Variants in DRC1 observed in about 807,000 individuals in gnomAD.
The protein encoded by DRC1 is dynein regulatory complex subunit 1.
A neutral mutation model predicts 98.7 loss-of-function variants in DRC1; 74 were observed. The ratio of observed to expected loss-of-function variants is 0.75; its 90% CI spans 0.62 to 0.91. The LOEUF is 0.91. Among genes scored for constraint, DRC1 ranks in the 40% least tolerant of loss-of-function variants. DRC1 has a pLI of 0.00. For synonymous variants in DRC1, 336 were observed against 334.1 expected, an observed-to-expected ratio of 1.01 and a Z score of -0.06; for missense variants, 875 against 886.0, an observed-to-expected ratio of 0.99 and a Z score of 0.16.
chr2:26,431,817 C>A, intron 6 of DRC1, 67 bp from the exon 7 acceptor site: 6 of 1,594,182 alleles, frequency 3.8e-6, no homozygotes, highest in Non-Finnish European at 5.1e-6. Flanking sequence ...GCTGGGCAGG[C>A]CATCCGAAGG....
intron 2 of DRC1, among the ~76,000 whole-genome samples, chr2:26,416,113 G>A (rs1174364132): frequency 1.3e-5 from 2 of 152,054 alleles, no homozygotes; most frequent in Non-Finnish European, 2.9e-5. Context: ...TTTCACTTAG[G>A]AATTAAGTAG....
chr2:26,421,557 CT>C lies in DRC1; in HGVS notation c.356+177del, dbSNP rs397873833. Among the ~76,000 whole-genome samples, 1,477 of 120,078 alleles carry C rather than the reference CT, an allele frequency of 0.012. 9 individuals are homozygous for C. The highest frequency in any genetic ancestry group is 0.058 in the Middle Eastern group (12 of 208). The allele number at this position is 120,078 out of a possible 152,430, so 78.8% of individuals were successfully genotyped here. A position where few individuals can be genotyped will look rare whatever the true frequency, so the allele number is the denominator to read the frequency against. On this transcript the variant is annotated intron_variant, in intron 3 of 16. Transcript: ENST00000288710. Reference sequence around the variant, plus strand: ...TCCCTCCCTCCTCTTCTTTCTCTCTCTTTTTTTTTTTTTTTTTTTTGAGACA... The same window carrying C: ...TCCCTCCCTCCTCTTCTTTCTCTCTCTTTTTTTTTTTTTTTTTTTGAGACA...
rs886925671 is a variant in DRC1, at chr2:26,454,999, C to A, written c.2064-132C>A. 7.4e-7 allele frequency: 1 copy of A among 1,346,456 alleles called. No individual in the cohort carries two copies. The highest frequency in any genetic ancestry group is 1.1e-6 in the Non-Finnish European group (1 of 950,044). 83.4% of individuals were successfully genotyped at this position (1,346,456 alleles called of 1,614,324 possible). A position where few individuals can be genotyped will look rare whatever the true frequency, so the allele number is the denominator to read the frequency against. ...GTTCCTGCTAACCTGGCTCACCTGG[C>A]GGCTGGGTGAAGAGTGTAGCTTCTG... On this transcript the variant is annotated intron_variant, in intron 15 of 16. Transcript: ENST00000288710. The surrounding 1 kb of genome is among the most constrained non-coding windows in gnomAD (Gnocchi z 5.2).
chr2:26,440,532 A>G lies in DRC1; in HGVS notation c.1028+15A>G, dbSNP rs765396987. 6.2e-7 allele frequency: 1 copy of G among 1,606,684 alleles called. No individual in the cohort carries two copies. Among genetic ancestry groups the G allele is most frequent in the East Asian group, 2.2e-5 (1 of 44,766 alleles). ...AAGATCAATCGGTAAGCTAGCATGC[A>G]GAGCGTCTTTCTTCTGGGCCTTCTG... On this transcript the variant is annotated intron_variant, in intron 8 of 16. Coordinates refer to ENST00000288710, the MANE Select transcript of DRC1 (RefSeq NM_145038.5).
rs201801977 is a variant in DRC1 at position 26,430,887 on chromosome 2, C to T, written c.765+15C>T. On this transcript the variant is annotated intron_variant, in intron 6 of 16. Coordinates refer to ENST00000288710, the MANE Select transcript of DRC1 (RefSeq NM_145038.5). ...ATGCCAAAGAGGTAAAGGGTGGAGC[C>T]TGTCAAGAGTGATCCGTGGGGTCTG... The T allele has an allele frequency of 1.8e-4, 296 of 1,611,640 alleles. No individual in the cohort carries two copies. The highest frequency in any genetic ancestry group is 2.5e-4 in the Non-Finnish European group (290 of 1,178,778).
Position 26,455,213 on chromosome 2 carries a change from C to A in DRC1, c.2146C>A (p.Gln716Lys), listed in dbSNP as rs769733696. 1.9e-6 allele frequency: 3 copies of A among 1,613,664 alleles called. No individual in the cohort carries two copies. Among genetic ancestry groups the A allele is most frequent in the Admixed American group, 3.3e-5 (2 of 59,992 alleles). Residue 716 changes from glutamine to lysine, a missense_variant, in exon 16 of 17, where the codon CAG becomes AAG. By Grantham distance (53) the Gln-to-Lys change is moderately conservative. Transcript: ENST00000288710. The part of the protein sequence containing the change: ...QQNTELQALL[Q>K]QYLNSKINSE... Reference sequence around the variant, plus strand: ...GAACACAGAGCTGCAGGCGCTACTGCAGCAGTATCTGAACTCCAAGGTGGG... The same window carrying A: ...GAACACAGAGCTGCAGGCGCTACTGAAGCAGTATCTGAACTCCAAGGTGGG...
rs185689315 is a variant in DRC1, at chr2:26,456,286, C to T, written c.2167-175C>T. Among the ~76,000 whole-genome samples, 5 of 152,306 alleles carry T rather than the reference C, an allele frequency of 3.3e-5. No homozygotes were observed. The East Asian group carries it at 9.7e-4, about 29-fold the overall frequency. ...CTGGAGCAGAAGCTGAGCAAGAAGG[C>T]TCAGGCGTGTCTCCTGCAGGGAGGC... On this transcript the variant is annotated intron_variant, in intron 16 of 16. Coordinates refer to ENST00000288710, the MANE Select transcript of DRC1 (RefSeq NM_145038.5).
chr2:26,452,870 T>C (rs1404143695), intron 13 of DRC1, among the ~76,000 whole-genome samples: 1 of 152,228 alleles, frequency 6.6e-6, no homozygotes, highest in Non-Finnish European at 1.5e-5. Context: ...TATTTATATA[T>C]AAACATTATA....
At chr2:26,434,747 C>T (rs538754933) in intron 7 of DRC1, among the ~76,000 whole-genome samples, 151 of 152,106 alleles carry the variant, frequency 9.9e-4, no homozygotes, top group Non-Finnish European at 1.6e-3. Flanking sequence ...AAAAATTAGC[C>T]GGGTGTGGTG....
chr2:26,436,757 G>A (rs1244826097), intron 7 of DRC1, among the ~76,000 whole-genome samples: 1 of 152,194 alleles, frequency 6.6e-6, no homozygotes, highest in Non-Finnish European at 1.5e-5. Context: ...ATAAGTCTGG[G>A]AAATGCTGTC....
At chr2:26,418,596 TTA>T (rs1280712894) in intron 2 of DRC1, among the ~76,000 whole-genome samples, 2 of 95,254 alleles carry the variant, frequency 2.1e-5, no homozygotes, top group African/African-American at 9.6e-5. Flanking sequence ...TATATATAAT[TTA>T]TATAATATAT....
At position 26,452,093 on chromosome 2, in the gene DRC1, CAA is replaced by C. The variant is rs35773772; in HGVS notation, c.1690-1215_1690-1214del. Reference sequence around the variant, plus strand: ...ATTTTGCCAACCTGTTATGTTGGCGCAAAAAAAAAAAAAGCTTGATAACACAG... The same window carrying C: ...ATTTTGCCAACCTGTTATGTTGGCGCAAAAAAAAAAAGCTTGATAACACAG... On this transcript the variant is annotated intron_variant, in intron 13 of 16. Coordinates refer to ENST00000288710, the MANE Select transcript of DRC1 (RefSeq NM_145038.5). Among the ~76,000 whole-genome samples, 970 of 141,884 alleles carry C rather than the reference CAA, an allele frequency of 6.8e-3. 21 individuals are homozygous for C. The South Asian group carries it at 0.082, about 12-fold the overall frequency. 93.1% of individuals were successfully genotyped at this position (141,884 alleles called of 152,430 possible). A position where few individuals can be genotyped will look rare whatever the true frequency, so the allele number is the denominator to read the frequency against.
intron 2 of DRC1, among the ~76,000 whole-genome samples, chr2:26,418,631 T>A (rs190416951): frequency 0.024 from 2,401 of 98,760 alleles, 130 homozygotes; most frequent in African/African-American, 0.1. Context: ...ATATAAATTA[T>A]ATATAATTTA....
intron 5 of DRC1, 49 bp from the exon 6 acceptor site, chr2:26,430,737 C>T (rs1663412591): frequency 6.3e-7 from 1 of 1,590,588 alleles, no homozygotes; most frequent in Non-Finnish European, 8.6e-7. Context: ...ACTGGTGGGA[C>T]CTGCCCAATC....
chr2:26,444,307 G>A lies in DRC1; in HGVS notation c.1114G>A (p.Asp372Asn), dbSNP rs778301620. 1.9e-6 allele frequency: 3 copies of A among 1,614,076 alleles called. No homozygotes were observed. The South Asian group carries it at 3.3e-5, about 18-fold the overall frequency. Residue 372 changes from aspartate to asparagine, a missense_variant, in exon 9 of 17, where the codon GAC becomes AAC. Transcript: ENST00000288710. ...FQEENQSLTS[D>N]YKRLVMQFKE... ...GGAGGAGAACCAGTCTCTAACCTCG[G>A]ACTACAAACGTCTTGTGATGCAATT...
intron 5 of DRC1, 40 bp from the exon 6 acceptor site, chr2:26,430,740 GCCCAAT>G: frequency 6.3e-7 from 1 of 1,596,688 alleles, no homozygotes; most frequent in East Asian, 2.2e-5. Context: ...GGTGGGACCT[GCCCAAT>G]CAAAACAGAT....
chr2:26,452,319 G>A (rs1027449235), intron 13 of DRC1, among the ~76,000 whole-genome samples: 3 of 152,054 alleles, frequency 2.0e-5, no homozygotes, highest in African/African-American at 4.8e-5. Context: ...GCAGTGGCAC[G>A]ATCTCGGCTC....
At chr2:26,402,447 C>A (rs1678276787) in intron 1 of DRC1, among the ~76,000 whole-genome samples, 1 of 152,180 alleles carries the variant, frequency 6.6e-6, no homozygotes, top group East Asian at 1.9e-4. Context: ...CACATGGCAT[C>A]TTTTCCACTA....
Position 26,444,211 on chromosome 2 carries a change from C to G in DRC1, c.1029-11C>G, listed in dbSNP as rs1385656379. 1 of 1,613,706 alleles carries G rather than the reference C, an allele frequency of 6.2e-7. No individual in the cohort carries two copies. On this transcript the variant is annotated splice_polypyrimidine_tract_variant and intron_variant, in intron 8 of 16. Coordinates refer to ENST00000288710, the MANE Select transcript of DRC1 (RefSeq NM_145038.5). ...TTCAGCTGCAGACTAACCTTTTTCT[C>G]CTTCAACCAGCCTGCATGATATACT... is the stretch of plus-strand genomic sequence containing the variant.
Sources: allele counts gnomAD v4.1 joint callset (sites outside exome capture counted in the v4.1 genomes callset), GRCh38; gene constraint gnomAD v4.1.1; non-coding constraint Gnocchi (gnomAD v3.1); transcripts MANE v1.5; gene names NCBI Gene and HGNC (gene_info 2026-07-23, HGNC 2026-07-21).